The following JDP2 variants were observed in gnomAD, a reference collection of about 807,000 sequenced individuals.
JDP2 encodes the protein progesterone receptor co-activator.
A neutral mutation model predicts 17.1 loss-of-function variants in JDP2; 9 were observed. The observed-to-expected ratio is 0.53, with a 90% CI of 0.32 to 0.92. The LOEUF (loss-of-function observed/expected upper bound fraction) is 0.92. Among genes scored for constraint, JDP2 ranks in the 40% least tolerant of loss-of-function variants. JDP2 has a pLI of 0.04. For synonymous variants in JDP2, 107 were observed against 95.6 expected, an observed-to-expected ratio of 1.12 and a Z score of -0.69; for missense variants, 179 against 220.0, an observed-to-expected ratio of 0.81 and a Z score of 1.18.
At chr14:75,466,820 A>G (rs541581148) in intron 3 of JDP2, among the ~76,000 whole-genome samples, 20 of 152,252 alleles carry the variant, frequency 1.3e-4, no homozygotes, top group Non-Finnish European at 2.8e-4. Flanking sequence ...CAGACCCTCC[A>G]TTGGGTTCAT....
At chr14:75,435,052 G>A (rs561356345) in intron 1 of JDP2, among the ~76,000 whole-genome samples, 5 of 152,234 alleles carry the variant, frequency 3.3e-5, no homozygotes, top group Non-Finnish European at 7.3e-5. Context: ...AGCGCTGCTG[G>A]CCGCGTGGCC....
At chr14:75,451,928 C>A (rs114439615) in intron 2 of JDP2, among the ~76,000 whole-genome samples, 1,530 of 152,264 alleles carry the variant, frequency 0.01, 22 homozygotes, top group African/African-American at 0.031. Context: ...CTTCTTTTTT[C>A]TTTTTTTCGA....
chr14:75,468,495 A>T (rs1293872940), intron 3 of JDP2, among the ~76,000 whole-genome samples: 2 of 152,052 alleles, frequency 1.3e-5, no homozygotes, highest in Admixed American at 6.5e-5. Flanking sequence ...TTGAATCGAT[A>T]TGCCCATCTC....
chr14:75,445,227 A>C, intron 2 of JDP2: 1 of 985,388 alleles, frequency 1.0e-6, no homozygotes, highest in Non-Finnish European at 1.2e-6. Context: ...ACCTGGCCTG[A>C]GGTTGGAGCA....
chr14:75,448,479 T>A (rs1885708230), intron 2 of JDP2, among the ~76,000 whole-genome samples: 1 of 152,170 alleles, frequency 6.6e-6, no homozygotes, highest in African/African-American at 2.4e-5. Flanking sequence ...TGAGAATGGT[T>A]AAAGGATCTA....
chr14:75,470,871 C>A lies in JDP2; in HGVS notation c.*1396C>A, dbSNP rs192563715. ...AATTAGAGGTCCAGGGAATTAAACT[C>A]GCAGACACCATTTGTTGAAGACTTA... On this transcript the variant is annotated 3_prime_UTR_variant, in exon 4 of 4. Transcript: ENST00000651602. 6.6e-6 allele frequency: 1 copy of A among 152,354 alleles called. No homozygotes were observed. The highest frequency in any genetic ancestry group is 1.5e-5 in the Non-Finnish European group (1 of 68,032). The allele number at this position is 152,354 out of a possible 1,614,324, so 9.4% of individuals were successfully genotyped here.
intron 2 of JDP2, among the ~76,000 whole-genome samples, chr14:75,448,794 G>A (rs946198595): frequency 1.3e-5 from 2 of 152,030 alleles, no homozygotes; most frequent in Non-Finnish European, 2.9e-5. Flanking sequence ...ACCCTCATTT[G>A]CTGCCACTGA....
At chr14:75,434,986 A>G (rs1482800633) in intron 1 of JDP2, among the ~76,000 whole-genome samples, 1 of 152,248 alleles carries the variant, frequency 6.6e-6, no homozygotes, top group East Asian at 1.9e-4. Flanking sequence ...GATGCTAAGC[A>G]CTGGGGTCAC....
chr14:75,463,781 G>A (rs1166616201), intron 3 of JDP2, among the ~76,000 whole-genome samples: 1 of 152,164 alleles, frequency 6.6e-6, no homozygotes, highest in African/African-American at 2.4e-5. Flanking sequence ...CCTCATAATA[G>A]GGTGATGCTA....
At chr14:75,438,513 A>C (rs1885183427) in intron 2 of JDP2, among the ~76,000 whole-genome samples, 1 of 152,188 alleles carries the variant, frequency 6.6e-6, no homozygotes, top group Non-Finnish European at 1.5e-5. Flanking sequence ...TGAAAAGTAG[A>C]CAAGAGAATG....
At chr14:75,444,850 A>G (rs2139964362) in intron 2 of JDP2, among the ~76,000 whole-genome samples, 1 of 152,328 alleles carries the variant, frequency 6.6e-6, no homozygotes, top group African/African-American at 2.4e-5. Flanking sequence ...CAGACTTTCC[A>G]GTTTCTGGTT....
At chr14:75,465,906 C>T (rs774922498) in intron 3 of JDP2, among the ~76,000 whole-genome samples, 1 of 152,084 alleles carries the variant, frequency 6.6e-6, no homozygotes, top group Non-Finnish European at 1.5e-5. Context: ...AAACAATAAA[C>T]AAAAATGCAG....
intron 3 of JDP2, among the ~76,000 whole-genome samples, chr14:75,464,181 C>T (rs777586935): frequency 2.0e-5 from 3 of 152,158 alleles, no homozygotes; most frequent in African/African-American, 2.4e-5. Context: ...TGAATGCAGG[C>T]GGCTGTGTTG....
At position 75,472,696 on chromosome 14, in the gene JDP2, T is replaced by C. The variant is rs1265207947; in HGVS notation, c.*3221T>C. The C allele has an allele frequency of 6.6e-6, 1 of 152,240 alleles. No individual in the cohort carries two copies. Among genetic ancestry groups the C allele is most frequent in the Non-Finnish European group, 1.5e-5 (1 of 68,044 alleles). The allele number at this position is 152,240 out of a possible 1,614,324, so 9.4% of individuals were successfully genotyped here. A position where few individuals can be genotyped will look rare whatever the true frequency, so the allele number is the denominator to read the frequency against. On this transcript the variant is annotated 3_prime_UTR_variant, in exon 4 of 4. Coordinates refer to ENST00000651602, the MANE Select transcript of JDP2 (RefSeq NM_001135048.2). ...TTTGTGAAATAAAAGCTCCCTAAAA[T>C]GGTAATTATTTTGTCCTCTGTTAGT...
rs1450536380 is a variant in JDP2 at position 75,474,021 on chromosome 14, G to A, written c.*4546G>A. On this transcript the variant is annotated 3_prime_UTR_variant, in exon 4 of 4. Coordinates refer to ENST00000651602, the MANE Select transcript of JDP2 (RefSeq NM_001135048.2). The stretch of plus-strand genomic sequence containing the variant: ...GAATGACAGGATTTTTCAGAGGTGG[G>A]TGATGTGTGCACAGATGTGGGCTAT... 6.6e-6 allele frequency: 1 copy of A among 152,134 alleles called. No individual in the cohort carries two copies. Among genetic ancestry groups the A allele is most frequent in the African/African-American group, 2.4e-5 (1 of 41,422 alleles). 9.4% of individuals were successfully genotyped at this position (152,134 alleles called of 1,614,324 possible).
intron 2 of JDP2, among the ~76,000 whole-genome samples, chr14:75,439,483 T>G (rs1047767241): frequency 2.6e-5 from 4 of 152,276 alleles, no homozygotes; most frequent in Non-Finnish European, 5.9e-5. Flanking sequence ...GTTTCCTCTT[T>G]CCAGTGGGCC....
intron 2 of JDP2, chr14:75,445,516 T>C (rs1885557923): frequency 2.0e-6 from 2 of 985,270 alleles, no homozygotes; most frequent in African/African-American, 1.7e-5. Flanking sequence ...CCCTTGCCTT[T>C]TTGGAGGCAA....
At chr14:75,447,198 G>A (rs943997928) in intron 2 of JDP2, among the ~76,000 whole-genome samples, 4 of 152,230 alleles carry the variant, frequency 2.6e-5, no homozygotes, top group Admixed American at 6.5e-5. Context: ...GTAGCCATTA[G>A]CTGAAAACCT....
intron 1 of JDP2, chr14:75,432,376 C>A: frequency 1.3e-6 from 2 of 1,546,580 alleles, no homozygotes; most frequent in Non-Finnish European, 1.8e-6. Flanking sequence ...ACCTTTCTGA[C>A]CTTCTCTGTG....
Sources: gnomAD v4.1 joint callset for allele counts (sites outside exome capture counted in the v4.1 genomes callset) on GRCh38, gnomAD v4.1.1 for gene constraint, MANE v1.5 for transcripts, NCBI Gene and HGNC (gene_info 2026-07-23, HGNC 2026-07-21) for gene names.